PTPRJ: variants seen among roughly 807,000 people sequenced by gnomAD.
PTPRJ encodes protein tyrosine phosphatase receptor type J.
PTPRJ carries 129 observed loss-of-function variants against 141.3 expected under a neutral mutation model. That is an observed-to-expected ratio of 0.91 (90% CI 0.79 to 1.06). PTPRJ has a LOEUF of 1.06. PTPRJ is among the 50% of genes least tolerant of loss of function. PTPRJ has a pLI of 0.00. For synonymous variants in PTPRJ, 610 were observed against 640.5 expected, an observed-to-expected ratio of 0.95 and a Z score of 0.72; for missense variants, 1,601 against 1,679.7, an observed-to-expected ratio of 0.95 and a Z score of 0.82.
intron 1 of PTPRJ, among the ~76,000 whole-genome samples, chr11:48,025,615 T>A (rs1853785790): frequency 6.6e-6 from 1 of 152,180 alleles, no homozygotes; most frequent in African/African-American, 2.4e-5. Context: ...AAGGTCAAGT[T>A]CTTTGCCCAC....
At chr11:48,009,256 A>C (rs1414842773) in intron 1 of PTPRJ, among the ~76,000 whole-genome samples, 1 of 152,210 alleles carries the variant, frequency 6.6e-6, no homozygotes, top group Non-Finnish European at 1.5e-5. Flanking sequence ...TGTTTATGCT[A>C]TAAGAAATTT....
chr11:48,049,514 C>CCAAAA lies in PTPRJ; in HGVS notation c.97-60544_97-60543insCAAAA, dbSNP rs1565276216. ...CCAATGCGGTGAAACCCCGTCTCTA[C>CCAAAA]TAAAACAAAACAAAACAAAACAAAA... On this transcript the variant is annotated intron_variant, in intron 1 of 24. Coordinates refer to ENST00000418331, the MANE Select transcript of PTPRJ (RefSeq NM_002843.4). Among the ~76,000 whole-genome samples, 547 of 127,390 alleles carry CCAAAA rather than the reference C, an allele frequency of 4.3e-3. 6 individuals are homozygous for CCAAAA. Among genetic ancestry groups the CCAAAA allele is most frequent in the African/African-American group, 0.018 (521 of 29,044 alleles). The allele number at this position is 127,390 out of a possible 152,430, so 83.6% of individuals were successfully genotyped here.
At chr11:48,042,796 G>GAGAGAGAA (rs998952961) in intron 1 of PTPRJ, among the ~76,000 whole-genome samples, 1 of 151,824 alleles carries the variant, frequency 6.6e-6, no homozygotes, top group African/African-American at 2.4e-5. Flanking sequence ...GAGAGAGAGA[G>GAGAGAGAA]AGAGAGAAAG....
intron 10 of PTPRJ, among the ~76,000 whole-genome samples, chr11:48,138,654 A>G (rs918856724): frequency 6.6e-6 from 1 of 152,254 alleles, no homozygotes; most frequent in African/African-American, 2.4e-5. Flanking sequence ...CTGATGCATC[A>G]TCAATGGATG....
At chr11:48,137,655 C>CAGAGGCCTGTGCAG (rs1306273935) in intron 10 of PTPRJ, among the ~76,000 whole-genome samples, 2 of 152,056 alleles carry the variant, frequency 1.3e-5, no homozygotes, top group Non-Finnish European at 2.9e-5. Context: ...ACATTACAGG[C>CAGAGGCCTGTGCAG]AGAGGCCTGT....
chr11:48,078,629 C>A (rs776564310), intron 1 of PTPRJ, among the ~76,000 whole-genome samples: 6 of 152,062 alleles, frequency 3.9e-5, no homozygotes, highest in Non-Finnish European at 8.8e-5. Context: ...AGGGAGGTGG[C>A]AGGGGTGTAG....
chr11:48,146,324 C>T (rs1390013995), intron 14 of PTPRJ, among the ~76,000 whole-genome samples: 1 of 152,198 alleles, frequency 6.6e-6, no homozygotes, highest in Non-Finnish European at 1.5e-5. Context: ...CCCCTACCTT[C>T]AAGCCAGAGG....
intron 1 of PTPRJ, among the ~76,000 whole-genome samples, chr11:48,066,945 C>T (rs907315284): frequency 6.6e-6 from 1 of 152,044 alleles, no homozygotes; most frequent in African/African-American, 2.4e-5. Context: ...TCCAGGGTCA[C>T]AATTAAATGG....
chr11:47,983,759 G>A (rs903271803), intron 1 of PTPRJ, among the ~76,000 whole-genome samples: 1 of 151,974 alleles, frequency 6.6e-6, no homozygotes, highest in Non-Finnish European at 1.5e-5. Flanking sequence ...ATCCTGACAG[G>A]TTCTTTAAGA....
At chr11:48,017,465 A>G (rs1295506305) in intron 1 of PTPRJ, among the ~76,000 whole-genome samples, 1 of 152,240 alleles carries the variant, frequency 6.6e-6, no homozygotes, top group Non-Finnish European at 1.5e-5. Flanking sequence ...AGATACTTAT[A>G]CATTGCTATA....
chr11:48,083,650 T>C (rs566820823), intron 1 of PTPRJ, among the ~76,000 whole-genome samples: 38 of 152,304 alleles, frequency 2.5e-4, no homozygotes, highest in Non-Finnish European at 5.1e-4. Context: ...GCCTCTCCTA[T>C]GAGAATGTGA....
chr11:48,115,321 A>C (rs1396052110), intron 3 of PTPRJ, among the ~76,000 whole-genome samples: 3 of 152,186 alleles, frequency 2.0e-5, no homozygotes, highest in African/African-American at 7.2e-5. Context: ...AGCAAATAAC[A>C]TGTAAGGGAG....
At chr11:48,166,489 T>C (rs1442722326) in intron 24 of PTPRJ, among the ~76,000 whole-genome samples, 1 of 150,948 alleles carries the variant, frequency 6.6e-6, no homozygotes, top group Non-Finnish European at 1.5e-5. Flanking sequence ...AATTTTTGTA[T>C]TTTTAGTAGA....
intron 3 of PTPRJ, 75 bp from the exon 4 acceptor site, chr11:48,120,928 G>C: frequency 7.6e-7 from 1 of 1,323,802 alleles, no homozygotes; most frequent in Non-Finnish European, 1.0e-6. Flanking sequence ...CTGGAAACTA[G>C]ACATATAGAG....
At chr11:48,039,464 G>GGT (rs67338648) in intron 1 of PTPRJ, among the ~76,000 whole-genome samples, 1,910 of 146,518 alleles carry the variant, frequency 0.013, 22 homozygotes, top group South Asian at 0.024. Context: ...ACAACACTAT[G>GGT]GTGTGTGTGT....
chr11:48,093,011 T>C (rs1054743547), intron 1 of PTPRJ, among the ~76,000 whole-genome samples: 1 of 152,240 alleles, frequency 6.6e-6, no homozygotes, highest in African/African-American at 2.4e-5. Flanking sequence ...GATGACTTTA[T>C]GTATTTAAAA....
intron 11 of PTPRJ, among the ~76,000 whole-genome samples, chr11:48,141,337 G>C (rs996001768): frequency 6.6e-6 from 1 of 151,978 alleles, no homozygotes; most frequent in Non-Finnish European, 1.5e-5. Flanking sequence ...GCTTGGAAAG[G>C]GGGGGTGTGC....
chr11:48,056,558 T>C (rs1180366207), intron 1 of PTPRJ, among the ~76,000 whole-genome samples: 1 of 152,238 alleles, frequency 6.6e-6, no homozygotes, highest in African/African-American at 2.4e-5. Context: ...GAGTGCTTAC[T>C]ACCTCAGCTA....
chr11:48,147,072 G>A, intron 15 of PTPRJ, 109 bp downstream of exon 15: 1 of 937,090 alleles, frequency 1.1e-6, no homozygotes, highest in Non-Finnish European at 1.7e-6. Flanking sequence ...TGAGCGCCAT[G>A]TTCCCTTCAC....
Sources: allele counts gnomAD v4.1 joint callset (sites outside exome capture counted in the v4.1 genomes callset), GRCh38; gene constraint gnomAD v4.1.1; transcripts MANE v1.5; gene names NCBI Gene and HGNC (gene_info 2026-07-23, HGNC 2026-07-21).